Variants in HELZ observed in about 807,000 individuals in gnomAD.
The protein encoded by HELZ is helicase with zinc finger.
HELZ carries 23 observed loss-of-function variants against 218.2 expected under a neutral mutation model. The ratio of observed to expected loss-of-function variants is 0.11; its 90% CI spans 0.08 to 0.15. The LOEUF is 0.15. HELZ is among the 10% of genes least tolerant of loss of function. The pLI is 1.00. For missense variants in HELZ, 1,813 were observed against 2,353.7 expected (o/e 0.77, Z 4.75); for synonymous variants, 814 against 829.4 (o/e 0.98, Z 0.32).
At chr17:67,135,809 T>G (rs1040283118) in intron 23 of HELZ, among the ~76,000 whole-genome samples, 161 bp downstream of exon 23, 1 of 152,204 alleles carries the variant, frequency 6.6e-6, no homozygotes, top group Non-Finnish European at 1.5e-5. Context: ...ATGCATACAA[T>G]AAATAGATCC....
chr17:67,223,235 G>A (rs2040798277), intron 3 of HELZ, among the ~76,000 whole-genome samples: 1 of 151,976 alleles, frequency 6.6e-6, no homozygotes, highest in South Asian at 2.1e-4. Context: ...ACTCCAGCCT[G>A]GGCAACAGAG....
intron 3 of HELZ, among the ~76,000 whole-genome samples, chr17:67,228,171 C>T (rs1396576095): frequency 8.5e-5 from 13 of 152,050 alleles, no homozygotes; most frequent in South Asian, 2.1e-4. Context: ...TACTAACATC[C>T]GTAATTGGTT....
At chr17:67,145,327 A>G (rs537492982) in intron 21 of HELZ, among the ~76,000 whole-genome samples, 64 of 152,334 alleles carry the variant, frequency 4.2e-4, no homozygotes, top group African/African-American at 1.5e-3. Flanking sequence ...TGGAATTGCA[A>G]CATCGCTGTC....
chr17:67,156,897 T>C (rs2038859253), intron 17 of HELZ, among the ~76,000 whole-genome samples: 1 of 152,222 alleles, frequency 6.6e-6, no homozygotes, highest in Admixed American at 6.5e-5. Flanking sequence ...ATCCCCAGTG[T>C]TGGAGGTAGG....
chr17:67,146,653 G>A (rs536101947), intron 20 of HELZ, among the ~76,000 whole-genome samples: 1 of 152,298 alleles, frequency 6.6e-6, no homozygotes, highest in African/African-American at 2.4e-5. Flanking sequence ...TCGCTTTACT[G>A]ATGAAGACAC....
At chr17:67,141,748 A>C (rs943170785) in intron 21 of HELZ, among the ~76,000 whole-genome samples, 36 of 152,138 alleles carry the variant, frequency 2.4e-4, no homozygotes, top group African/African-American at 8.7e-4. Context: ...TAATTAAAAA[A>C]TAATTAAAAG....
intron 27 of HELZ, among the ~76,000 whole-genome samples, chr17:67,118,996 A>G (rs892099886): frequency 6.6e-6 from 1 of 152,196 alleles, no homozygotes; most frequent in African/African-American, 2.4e-5. Context: ...AAATTTAAAA[A>G]AAGACTGAGC....
At chr17:67,125,286 CTATATATATA>C (rs57513241) in intron 24 of HELZ, among the ~76,000 whole-genome samples, 180 of 70,042 alleles carry the variant, frequency 2.6e-3, no homozygotes, top group African/African-American at 6.8e-3. Context: ...TTGGCACCAA[CTATATATATA>C]TATATATATA....
intron 21 of HELZ, among the ~76,000 whole-genome samples, chr17:67,140,816 C>A (rs939366076): frequency 6.6e-6 from 1 of 152,116 alleles, no homozygotes; most frequent in African/African-American, 2.4e-5. Context: ...AAAATAAAAT[C>A]TTGAAAACAG....
At chr17:67,209,024 G>C (rs1218073973) in intron 5 of HELZ, among the ~76,000 whole-genome samples, 2 of 125,530 alleles carry the variant, frequency 1.6e-5, no homozygotes, top group African/African-American at 6.4e-5. Context: ...AGGAAGGAAG[G>C]AAGGGAGGAA....
At chr17:67,085,923 G>T (rs1313526557) in intron 32 of HELZ, among the ~76,000 whole-genome samples, 1 of 152,110 alleles carries the variant, frequency 6.6e-6, no homozygotes, top group Non-Finnish European at 1.5e-5. Context: ...TATCCATTCC[G>T]ATCCCTTTCT....
chr17:67,167,296 A>T lies in HELZ; in HGVS notation c.1764+167T>A, dbSNP rs555688097. 2.0e-5 allele frequency among the ~76,000 whole-genome samples: 3 copies of T among 152,320 alleles called. No individual in the cohort carries two copies. The South Asian group carries it at 6.2e-4, about 32-fold the overall frequency. ...AATGTTACTTATATTTAAAAGAATC[A>T]CTTTTCTCTGGGAGTTACTACAGGT... On this transcript the variant is annotated intron_variant, in intron 14 of 32. Coordinates refer to ENST00000358691, the MANE Select transcript of HELZ (RefSeq NM_014877.4).
At chr17:67,088,896 G>A (rs753410866) in intron 31 of HELZ, among the ~76,000 whole-genome samples, 4 of 152,276 alleles carry the variant, frequency 2.6e-5, no homozygotes, top group Admixed American at 6.5e-5. Context: ...ATTCAATTAC[G>A]GTAGTGAGTA....
intron 5 of HELZ, among the ~76,000 whole-genome samples, chr17:67,208,558 T>C (rs1429177832): frequency 4.6e-5 from 7 of 151,946 alleles, no homozygotes; most frequent in Non-Finnish European, 7.4e-5. Flanking sequence ...AATAAATACA[T>C]AAAGCTTATA....
intron 17 of HELZ, 50 bp from the exon 18 acceptor site, chr17:67,151,274 G>T: frequency 7.1e-7 from 1 of 1,399,986 alleles, no homozygotes; most frequent in Non-Finnish European, 9.9e-7. Flanking sequence ...TTTCTTAACA[G>T]TATCTAGTTA....
chr17:67,234,639 G>A (rs1404497407), intron 3 of HELZ, among the ~76,000 whole-genome samples: 1 of 151,822 alleles, frequency 6.6e-6, no homozygotes, highest in African/African-American at 2.4e-5. Flanking sequence ...GTTCAAGACA[G>A]CCTGGGGAAC....
chr17:67,156,936 G>A (rs752799260), intron 17 of HELZ, among the ~76,000 whole-genome samples: 6 of 152,164 alleles, frequency 3.9e-5, no homozygotes, highest in Non-Finnish European at 4.4e-5. Flanking sequence ...GAATCATGGC[G>A]GCAGATCCCT....
In HELZ at chr17:67,070,969, A is replaced by G. The variant is rs899747558; in HGVS notation, c.*7283T>C. The stretch of plus-strand genomic sequence containing the variant: ...AGCTGAACAAGTTTAGATAAGAACT[A>G]TATGTATGAAGCATTAAAAAAAAAT... On this transcript the variant is annotated 3_prime_UTR_variant, in exon 33 of 33. Coordinates refer to ENST00000358691, the MANE Select transcript of HELZ (RefSeq NM_014877.4). 18 of 152,236 alleles carry G rather than the reference A, an allele frequency of 1.2e-4. No homozygotes were observed. In the South Asian group the frequency reaches 3.1e-3, roughly 26 times the overall value. 9.4% of individuals were successfully genotyped at this position (152,236 alleles called of 1,614,324 possible). A position where few individuals can be genotyped will look rare whatever the true frequency, so the allele number is the denominator to read the frequency against.
Position 67,152,899 on chromosome 17 carries a change from G to A in HELZ, c.2178-1675C>T, listed in dbSNP as rs566763177. Among the ~76,000 whole-genome samples the A allele has an allele frequency of 1.8e-3, 267 of 152,218 alleles. 2 individuals are homozygous for A. Among genetic ancestry groups the A allele is most frequent in the Non-Finnish European group, 2.9e-3 (198 of 68,000 alleles). ...GAATTCAGGAGAGCATGGGGTATTG[G>A]AAGCAAAATGAAGCAAGTGTTTCAG... On this transcript the variant is annotated intron_variant, in intron 17 of 32. Transcript: ENST00000358691.
Sources: gnomAD v4.1 joint callset for allele counts (sites outside exome capture counted in the v4.1 genomes callset) on GRCh38, gnomAD v4.1.1 for gene constraint, MANE v1.5 for transcripts, NCBI Gene and HGNC (gene_info 2026-07-23, HGNC 2026-07-21) for gene names.